The following VTI1A variants were observed in gnomAD, a reference collection of about 807,000 sequenced individuals.
VTI1A encodes vesicle transport through interaction with t-SNAREs homolog 1A.
In VTI1A, 22 loss-of-function variants were observed where a neutral mutation model predicts 34.9. That is an observed-to-expected ratio of 0.63 (90% confidence interval 0.45 to 0.90). The LOEUF (loss-of-function observed/expected upper bound fraction) is 0.90. Among genes scored for constraint, VTI1A ranks in the 40% least tolerant of loss-of-function variants. VTI1A has a pLI of 0.00. For synonymous variants in VTI1A, 87 were observed against 97.3 expected (o/e 0.89, Z 0.62); for missense variants, 268 against 275.6 (o/e 0.97, Z 0.20).
chr10:112,741,638 G>A (rs1453941733), intron 7 of VTI1A, among the ~76,000 whole-genome samples: 2 of 152,078 alleles, frequency 1.3e-5, no homozygotes, highest in East Asian at 3.8e-4. Context: ...GAAGATGAAT[G>A]AAGATATTTT....
At position 112,717,808 on chromosome 10, in the gene VTI1A, G is replaced by A. The variant is rs1443160731; in HGVS notation, c.560+48810G>A. 5.3e-5 allele frequency among the ~76,000 whole-genome samples: 8 copies of A among 152,186 alleles called. 1 individual carries two copies. The East Asian group carries it at 1.5e-3, about 29-fold the overall frequency. On this transcript the variant is annotated intron_variant, in intron 7 of 7. Coordinates refer to ENST00000393077, the MANE Select transcript of VTI1A (RefSeq NM_145206.4). ...GACACATACCCCACTCTTTGATGCA[G>A]GGGTGGCAGGTTGACGAAGACCAGT...
At chr10:112,794,420 T>C (rs1852600450) in intron 7 of VTI1A, among the ~76,000 whole-genome samples, 1 of 151,958 alleles carries the variant, frequency 6.6e-6, no homozygotes, top group Non-Finnish European at 1.5e-5. Flanking sequence ...GGTGTGGTCA[T>C]GCATGCCTGT....
chr10:112,538,239 T>A lies in VTI1A; in HGVS notation c.343-7T>A. On this transcript the variant is annotated splice_polypyrimidine_tract_variant and splice_region_variant and intron_variant, in intron 4 of 7. Transcript: ENST00000393077. ...CTGATTTTTTTTTCCCCCTTTTTCT[T>A]TTTCAGAGGGCACATCTGCTCGATA... The A allele has an allele frequency of 6.2e-7, 1 of 1,611,044 alleles. No homozygotes were observed. Among genetic ancestry groups the A allele is most frequent in the Non-Finnish European group, 8.5e-7 (1 of 1,179,018 alleles).
chr10:112,821,979 G>T (rs2134103975), downstream of VTI1A, among the ~76,000 whole-genome samples: 1 of 152,296 alleles, frequency 6.6e-6, no homozygotes, highest in East Asian at 1.9e-4. Flanking sequence ...GCCGTCCTGT[G>T]GTTTCTGCCC....
At chr10:112,814,576 G>A (rs1409960080) in intron 7 of VTI1A, among the ~76,000 whole-genome samples, 2 of 152,316 alleles carry the variant, frequency 1.3e-5, no homozygotes, top group East Asian at 3.9e-4. Flanking sequence ...TTCCCCATCA[G>A]CGTGCAGCCC....
intron 5 of VTI1A, among the ~76,000 whole-genome samples, chr10:112,661,702 GA>G (rs1444709450): frequency 8.0e-5 from 12 of 150,412 alleles, no homozygotes; most frequent in Non-Finnish European, 1.3e-4. Context: ...TGTTTCTGAT[GA>G]AAATTCAGGC....
intron 7 of VTI1A, among the ~76,000 whole-genome samples, chr10:112,690,054 A>G (rs1251626539): frequency 6.6e-6 from 1 of 152,228 alleles, no homozygotes; most frequent in African/African-American, 2.4e-5. Context: ...TCATTTGCAT[A>G]GAGCTTTTGA....
intron 5 of VTI1A, among the ~76,000 whole-genome samples, chr10:112,571,483 A>C (rs1852117856): frequency 6.6e-6 from 1 of 152,226 alleles, no homozygotes; most frequent in Non-Finnish European, 1.5e-5. Flanking sequence ...AAAGTCAAAA[A>C]ATAACAGATA....
intron 5 of VTI1A, among the ~76,000 whole-genome samples, chr10:112,616,425 A>C (rs1845515734): frequency 6.6e-6 from 1 of 152,216 alleles, no homozygotes; most frequent in South Asian, 2.1e-4. Flanking sequence ...AATCATGCCT[A>C]CTGGCTTCCA....
chr10:112,493,866 A>G (rs1181057684), intron 3 of VTI1A, among the ~76,000 whole-genome samples: 2 of 152,112 alleles, frequency 1.3e-5, no homozygotes, highest in East Asian at 3.8e-4. Context: ...TGGTTTACTT[A>G]TATTGTGTTA....
intron 3 of VTI1A, among the ~76,000 whole-genome samples, chr10:112,486,786 G>A (rs1287823591): frequency 6.9e-6 from 1 of 144,082 alleles, no homozygotes; most frequent in Non-Finnish European, 1.5e-5. Context: ...AAGACCACTG[G>A]TACCCTAAGT....
intron 5 of VTI1A, among the ~76,000 whole-genome samples, chr10:112,604,883 A>G (rs926367548): frequency 6.6e-6 from 1 of 152,160 alleles, no homozygotes; most frequent in Non-Finnish European, 1.5e-5. Flanking sequence ...CTCATTTAGA[A>G]TAGGGTAATC....
At chr10:112,451,477 A>G (rs1047076390) in intron 1 of VTI1A, among the ~76,000 whole-genome samples, 1 of 152,218 alleles carries the variant, frequency 6.6e-6, no homozygotes, top group Non-Finnish European at 1.5e-5. Flanking sequence ...TTCCTAGACT[A>G]GAATTAGGTA....
chr10:112,610,152 TA>T (rs1176221052), intron 5 of VTI1A, among the ~76,000 whole-genome samples: 2 of 145,910 alleles, frequency 1.4e-5, no homozygotes, highest in East Asian at 4.0e-4. Flanking sequence ...GGGGGAATCA[TA>T]AAAATTATAT....
intron 3 of VTI1A, among the ~76,000 whole-genome samples, chr10:112,501,917 ACAATATTATATCCTCCGTGCTGTTTTAC>A (rs1350218030): frequency 6.6e-6 from 1 of 151,988 alleles, no homozygotes; most frequent in Non-Finnish European, 1.5e-5. Flanking sequence ...TCGAGTTTCC[ACAATATTATATCCTCCGTGCTGTTTTAC>A]CAATAAACAT....
intron 5 of VTI1A, among the ~76,000 whole-genome samples, chr10:112,629,052 G>A (rs535692104): frequency 6.6e-6 from 1 of 152,284 alleles, no homozygotes; most frequent in East Asian, 1.9e-4. Context: ...GAACAACCTA[G>A]CAGACCCTCT....
intron 5 of VTI1A, among the ~76,000 whole-genome samples, chr10:112,594,895 A>G (rs1479148046): frequency 6.6e-6 from 1 of 151,594 alleles, no homozygotes; most frequent in Non-Finnish European, 1.5e-5. Flanking sequence ...GCATCACCCT[A>G]CCTGACTTCA....
At chr10:112,581,960 G>A (rs926680102) in intron 5 of VTI1A, among the ~76,000 whole-genome samples, 1 of 152,114 alleles carries the variant, frequency 6.6e-6, no homozygotes, top group African/African-American at 2.4e-5. Context: ...GCAACTTCAC[G>A]GCAATATCTC....
At chr10:112,496,999 G>A (rs1392789360) in intron 3 of VTI1A, among the ~76,000 whole-genome samples, 1 of 152,118 alleles carries the variant, frequency 6.6e-6, no homozygotes, top group Non-Finnish European at 1.5e-5. Flanking sequence ...AACATATGAG[G>A]ACATGTGACT....
Sources: gnomAD v4.1 joint callset for allele counts (sites outside exome capture counted in the v4.1 genomes callset) on GRCh38, gnomAD v4.1.1 for gene constraint, MANE v1.5 for transcripts, NCBI Gene and HGNC (gene_info 2026-07-23, HGNC 2026-07-21) for gene names.